Variants in WWOX observed in about 807,000 individuals in gnomAD.
The protein encoded by WWOX is WW domain-containing oxidoreductase.
A neutral mutation model predicts 46.2 loss-of-function variants in WWOX; 69 were observed. That is an observed-to-expected ratio of 1.49 (90% CI 1.23 to 1.82). The LOEUF (loss-of-function observed/expected upper bound fraction) is 1.82. WWOX is among the 40% of genes most tolerant of loss of function. The probability of loss-of-function intolerance (pLI) is 0.00; values close to 1 mark genes in which losing one functional copy is unlikely to be tolerated. For synonymous variants in WWOX, 359 were observed against 202.6 expected (o/e 1.77, Z -6.56); for missense variants, 919 against 542.6 (o/e 1.69, Z -6.89).
intron 4 of WWOX, chr16:78,123,550 CA>C (rs2033225784): frequency 7.0e-6 from 1 of 143,474 alleles, no homozygotes; most frequent in South Asian, 2.2e-4. Flanking sequence ...CTTCGCCTCC[CA>C]GGTTGAAGCA....
chr16:78,665,766 C>G lies in WWOX; in HGVS notation c.1056+233014C>G, dbSNP rs139115309. On this transcript the variant is annotated intron_variant, in intron 8 of 8. Transcript: ENST00000566780. ...GTGATTCCATCTCAGCTCACTGCAA[C>G]CTCCACCTCCTGGGTTCGAGTGATT... Among the ~76,000 whole-genome samples, 308 of 152,266 alleles carry G rather than the reference C, an allele frequency of 2.0e-3. 1 individual carries two copies. The highest frequency in any genetic ancestry group is 7.1e-3 in the African/African-American group (295 of 41,562).
chr16:78,597,703 A>G (rs559732861), intron 8 of WWOX, among the ~76,000 whole-genome samples: 1 of 151,754 alleles, frequency 6.6e-6, no homozygotes, highest in African/African-American at 2.4e-5. Flanking sequence ...TCTATAACAT[A>G]AGTTGATAGT....
rs2004940 is a variant in WWOX at position 78,633,020 on chromosome 16, T to C, written c.1056+200268T>C. On this transcript the variant is annotated intron_variant, in intron 8 of 8. Coordinates refer to ENST00000566780, the MANE Select transcript of WWOX (RefSeq NM_016373.4). ...GCTCATGCCTGTAATCCTAGCACTT[T>C]GGGACACTGAGGTGGGTGGATCACT... Among the ~76,000 whole-genome samples the C allele has an allele frequency of 3.2e-3, 483 of 152,278 alleles. 2 individuals are homozygous for C. The highest frequency in any genetic ancestry group is 0.011 in the African/African-American group (454 of 41,578).
intron 8 of WWOX, among the ~76,000 whole-genome samples, chr16:79,050,530 G>T (rs1009497821): frequency 2.0e-5 from 3 of 152,178 alleles, no homozygotes; most frequent in East Asian, 1.9e-4. Flanking sequence ...CTGAGCTCAC[G>T]GTTAGAGAGG....
intron 4 of WWOX, among the ~76,000 whole-genome samples, chr16:78,137,255 C>T (rs1274541762): frequency 1.3e-5 from 2 of 152,174 alleles, no homozygotes; most frequent in Admixed American, 6.5e-5. Context: ...TGTCCACCCC[C>T]TAGTTTTCTT....
At chr16:78,955,799 C>T (rs533866948) in intron 8 of WWOX, among the ~76,000 whole-genome samples, 3 of 151,392 alleles carry the variant, frequency 2.0e-5, no homozygotes, top group East Asian at 3.9e-4. Context: ...GGTTGTACAT[C>T]ACCACCTCTG....
chr16:78,141,751 A>G (rs1462990740), intron 4 of WWOX, among the ~76,000 whole-genome samples: 1 of 152,080 alleles, frequency 6.6e-6, no homozygotes, highest in African/African-American at 2.4e-5. Flanking sequence ...TTTCATTGTA[A>G]TGGTTTTTTT....
At chr16:78,896,158 G>A (rs994385405) in intron 8 of WWOX, 1 of 151,164 alleles carries the variant, frequency 6.6e-6, no homozygotes, top group African/African-American at 2.4e-5. Flanking sequence ...AAATACTTCA[G>A]AAGAAATAAA....
At chr16:78,212,324 T>G (rs2036585075) in intron 5 of WWOX, among the ~76,000 whole-genome samples, 1 of 152,206 alleles carries the variant, frequency 6.6e-6, no homozygotes, top group South Asian at 2.1e-4. Flanking sequence ...GGAAACAATT[T>G]GCATTGGCGA....
chr16:79,024,992 C>A (rs773650483), intron 8 of WWOX, among the ~76,000 whole-genome samples: 7 of 152,300 alleles, frequency 4.6e-5, no homozygotes, highest in Non-Finnish European at 7.4e-5. Context: ...ATCCTAGGAC[C>A]TGAGCTGATG....
intron 8 of WWOX, among the ~76,000 whole-genome samples, chr16:78,902,275 T>G (rs1053078978): frequency 1.3e-5 from 2 of 152,212 alleles, no homozygotes; most frequent in Non-Finnish European, 2.9e-5. Flanking sequence ...TGCCTTTGTA[T>G]CTTTTTCAGA....
intron 8 of WWOX, among the ~76,000 whole-genome samples, chr16:78,724,911 C>G (rs529835739): frequency 6.6e-6 from 1 of 152,160 alleles, no homozygotes; most frequent in East Asian, 1.9e-4. Context: ...GGAGGCTGAG[C>G]ACCTAGTAGT....
In WWOX at chr16:78,843,052, C is replaced by G. The variant is rs566058067; in HGVS notation, c.1057-368556C>G. Among the ~76,000 whole-genome samples the G allele has an allele frequency of 2.5e-4, 38 of 149,994 alleles. 3 individuals are homozygous for G. The highest frequency in any genetic ancestry group is 2.1e-4 in the Non-Finnish European group (14 of 66,958). On this transcript the variant is annotated intron_variant, in intron 8 of 8. Transcript: ENST00000566780. The stretch of plus-strand genomic sequence containing the variant: ...TACTTTAAGTGCTGCAAACATTGCA[C>G]TAATGTTTGGGTCTTTGCTTTTGGC...
chr16:78,605,692 C>G (rs1321599430), intron 8 of WWOX, among the ~76,000 whole-genome samples: 3 of 152,170 alleles, frequency 2.0e-5, no homozygotes, highest in Non-Finnish European at 4.4e-5. Context: ...AGGCATAGTT[C>G]TTTGTCATAT....
At chr16:79,090,143 A>G (rs1293387652) in intron 8 of WWOX, 1 of 152,068 alleles carries the variant, frequency 6.6e-6, no homozygotes, top group African/African-American at 2.4e-5. Context: ...GTTTCTTTGA[A>G]GTTTTATGAC....
intron 8 of WWOX, among the ~76,000 whole-genome samples, chr16:78,893,116 C>T (rs1286775544): frequency 6.6e-6 from 1 of 151,818 alleles, no homozygotes; most frequent in Non-Finnish European, 1.5e-5. Context: ...ACTGTAGTTA[C>T]CCACACAGAA....
chr16:78,739,972 A>T (rs2049177059), intron 8 of WWOX, among the ~76,000 whole-genome samples: 1 of 152,084 alleles, frequency 6.6e-6, no homozygotes, highest in Non-Finnish European at 1.5e-5. Flanking sequence ...TCTCTAAATT[A>T]TCTCACCGGT....
At chr16:79,070,708 A>G (rs1427688973) in intron 8 of WWOX, among the ~76,000 whole-genome samples, 3 of 152,194 alleles carry the variant, frequency 2.0e-5, no homozygotes, top group African/African-American at 7.2e-5. Context: ...TCCTTTAGTC[A>G]GTGGTGCAAG....
chr16:78,734,997 G>C (rs2049053217), intron 8 of WWOX, among the ~76,000 whole-genome samples: 2 of 151,214 alleles, frequency 1.3e-5, no homozygotes, highest in Admixed American at 1.3e-4. Context: ...TTCCCGAGTA[G>C]CTGGGATTAC....
Sources: allele counts gnomAD v4.1 joint callset (sites outside exome capture counted in the v4.1 genomes callset), GRCh38; gene constraint gnomAD v4.1.1; transcripts MANE v1.5; gene names NCBI Gene and HGNC (gene_info 2026-07-23, HGNC 2026-07-21).